The following MFSD6 variants were observed in gnomAD, a reference collection of about 807,000 sequenced individuals.
MFSD6 encodes the protein major facilitator superfamily domain-containing protein 6.
Under a neutral mutation model 56.3 loss-of-function variants are expected in MFSD6, and 26 were observed. That is an observed-to-expected ratio of 0.46 (90% CI 0.34 to 0.64). MFSD6 has a LOEUF of 0.64. MFSD6 is among the 30% of genes least tolerant of loss of function. MFSD6 has a pLI of 0.01. For synonymous variants in MFSD6, 331 were observed against 366.9 expected (o/e 0.90, Z 1.12); for missense variants, 750 against 986.2 (o/e 0.76, Z 3.21).
rs529148679 is a variant in MFSD6 at position 190,490,429 on chromosome 2, G to C, written c.1891+563G>C. Among the ~76,000 whole-genome samples the C allele has an allele frequency of 2.4e-4, 37 of 152,082 alleles. No individual in the cohort carries two copies. Among genetic ancestry groups the C allele is most frequent in the Non-Finnish European group, 4.1e-4 (28 of 68,016 alleles). On this transcript the variant is annotated intron_variant, in intron 6 of 7. Transcript: ENST00000392328. This position sits in a 1 kb window ranked among gnomAD's most constrained non-coding sequence, Gnocchi z 4.5. ...ATATAAAAAATTAGCCGGGCACGGTGGTGGGCGCCTGTAATCCCAGCTACT... is the reference window on the plus strand; with the variant it reads ...ATATAAAAAATTAGCCGGGCACGGTCGTGGGCGCCTGTAATCCCAGCTACT...
intron 4 of MFSD6, among the ~76,000 whole-genome samples, chr2:190,479,970 C>T (rs1041902692): frequency 6.6e-6 from 1 of 152,078 alleles, no homozygotes; most frequent in East Asian, 1.9e-4. Flanking sequence ...TGTTTTCAGC[C>T]TGGGCAACCT....
At chr2:190,475,195 G>C (rs957096193) in intron 4 of MFSD6, among the ~76,000 whole-genome samples, 3 of 152,158 alleles carry the variant, frequency 2.0e-5, no homozygotes, top group African/African-American at 7.2e-5. Flanking sequence ...ATTCAACATA[G>C]TGTTGGAAGT....
Position 190,438,551 on chromosome 2 carries a change from T to C in MFSD6, c.1532+990T>C, listed in dbSNP as rs1409333044. ...ACACCCTGTAAGTGCCTAGTGTTTC[T>C]TGTTGTGTACTATTTCTTCTCACCA... is the stretch of plus-strand genomic sequence containing the variant. On this transcript the variant is annotated intron_variant, in intron 3 of 7. Transcript: ENST00000392328. This position sits in a 1 kb window ranked among gnomAD's most constrained non-coding sequence, Gnocchi z 5.2. 1.3e-5 allele frequency among the ~76,000 whole-genome samples: 2 copies of C among 152,206 alleles called. No homozygotes were observed. Among genetic ancestry groups the C allele is most frequent in the Non-Finnish European group, 2.9e-5 (2 of 68,036 alleles).
Position 190,436,028 on chromosome 2 carries a change from C to T in MFSD6, c.-2C>T, listed in dbSNP as rs1317018288. The T allele has an allele frequency of 6.2e-7, 1 of 1,606,418 alleles. No individual in the cohort carries two copies. The highest frequency in any genetic ancestry group is 1.3e-5 in the African/African-American group (1 of 74,704). ...TAAACTTGCTGATGGTGGTGGTAAG[C>T]CATGGCAGATGATAAAGTTGCTATC... is the stretch of plus-strand genomic sequence containing the variant. On this transcript the variant is annotated 5_prime_UTR_variant, in exon 3 of 8. Transcript: ENST00000392328. The surrounding 1 kb of genome is among the most constrained non-coding windows in gnomAD (Gnocchi z 5.3).
rs546266861 is a variant in MFSD6 at position 190,498,835 on chromosome 2, T to C, written c.2172+1116T>C. ...AAAATTTTTGATGTGGCGCTTTTTTTCTGGTATGTTAGGATTAATAAATTT... is the reference window on the plus strand; with the variant it reads ...AAAATTTTTGATGTGGCGCTTTTTTCCTGGTATGTTAGGATTAATAAATTT... On this transcript the variant is annotated intron_variant, in intron 7 of 7. Coordinates refer to ENST00000392328, the MANE Select transcript of MFSD6 (RefSeq NM_017694.4). The surrounding 1 kb of genome is among the most constrained non-coding windows in gnomAD (Gnocchi z 5.9). Among the ~76,000 whole-genome samples, 2 of 152,288 alleles carry C rather than the reference T, an allele frequency of 1.3e-5. No homozygotes were observed. The highest frequency in any genetic ancestry group is 4.8e-5 in the African/African-American group (2 of 41,570).
At chr2:190,477,868 A>C (rs1200443907) in intron 4 of MFSD6, among the ~76,000 whole-genome samples, 1 of 152,162 alleles carries the variant, frequency 6.6e-6, no homozygotes, top group Non-Finnish European at 1.5e-5. Flanking sequence ...AAAATTCCCT[A>C]CAAAAATCAC....
rs1174874826 is a variant in MFSD6 at position 190,498,924 on chromosome 2, T to C, written c.2173-1091T>C. 1.3e-5 allele frequency among the ~76,000 whole-genome samples: 2 copies of C among 151,698 alleles called. No homozygotes were observed. Among genetic ancestry groups the C allele is most frequent in the African/African-American group, 2.4e-5 (1 of 41,252 alleles). Reference sequence around the variant, plus strand: ...AAGCACTTTGGGAGGCCGAGGTGGGTGGATCACGAGGTCAGGAGTTCAAGA... The same window carrying C: ...AAGCACTTTGGGAGGCCGAGGTGGGCGGATCACGAGGTCAGGAGTTCAAGA... On this transcript the variant is annotated intron_variant, in intron 7 of 7. Coordinates refer to ENST00000392328, the MANE Select transcript of MFSD6 (RefSeq NM_017694.4). The surrounding 1 kb of genome is among the most constrained non-coding windows in gnomAD (Gnocchi z 5.9).
rs1687416388 is a variant in MFSD6 at position 190,463,131 on chromosome 2, T to G, written c.1533-6627T>G. Among the ~76,000 whole-genome samples the G allele has an allele frequency of 6.6e-6, 1 of 152,100 alleles. No individual in the cohort carries two copies. The highest frequency in any genetic ancestry group is 1.5e-5 in the Non-Finnish European group (1 of 68,004). ...ATTCTGCTAGTGAGGGACACAGAAA[T>G]CCTGGCAAGATATCCACAGTAGCAT... On this transcript the variant is annotated intron_variant, in intron 3 of 7. Coordinates refer to ENST00000392328, the MANE Select transcript of MFSD6 (RefSeq NM_017694.4). This position sits in a 1 kb window ranked among gnomAD's most constrained non-coding sequence, Gnocchi z 4.4.
At chr2:190,429,892 A>G (rs1238290337) in intron 2 of MFSD6, among the ~76,000 whole-genome samples, 1 of 151,964 alleles carries the variant, frequency 6.6e-6, no homozygotes, top group African/African-American at 2.4e-5. Flanking sequence ...ACATGTGTAC[A>G]ATGTGCAGAT....
rs568155579 is a variant in MFSD6, at chr2:190,431,570, C to T, written c.-53-4407C>T. ...AAATACGAAAACCAGTCAGGTGTGGCGGCGCGCGCCTGCAATCGCAGGCAC... is the reference window on the plus strand; with the variant it reads ...AAATACGAAAACCAGTCAGGTGTGGTGGCGCGCGCCTGCAATCGCAGGCAC... On this transcript the variant is annotated intron_variant, in intron 2 of 7. Transcript: ENST00000392328. The surrounding 1 kb of genome is among the most constrained non-coding windows in gnomAD (Gnocchi z 4.4). 7.2e-5 allele frequency among the ~76,000 whole-genome samples: 11 copies of T among 152,298 alleles called. No individual in the cohort carries two copies. Among genetic ancestry groups the T allele is most frequent in the South Asian group, 2.1e-4 (1 of 4,832 alleles).
chr2:190,482,868 C>CTTTTTTTTTTTT lies in MFSD6; in HGVS notation c.1631-5765_1631-5754dup, dbSNP rs199927176. 5.0e-4 allele frequency among the ~76,000 whole-genome samples: 24 copies of CTTTTTTTTTTTT among 48,288 alleles called. 7 individuals carry two copies. The highest frequency in any genetic ancestry group is 7.0e-4 in the South Asian group (1 of 1,434). The allele number at this position is 48,288 out of a possible 152,430, so 31.7% of individuals were successfully genotyped here. A position where few individuals can be genotyped will look rare whatever the true frequency, so the allele number is the denominator to read the frequency against. On this transcript the variant is annotated intron_variant, in intron 4 of 7. Transcript: ENST00000392328. ...GGAGAAGAGTTATTAAGACTATCAT[C>CTTTTTTTTTTTT]TTTTTTTTTTTTTTTTTTTTTTTTT...
rs1451442048 is a variant in MFSD6 at position 190,413,024 on chromosome 2, A to G, written c.-175-2268A>G. ...CACCTAAACCTTGAGCCTATATGTT[A>G]ATATGTGTCTGCTATAGTTACTGGT... On this transcript the variant is annotated intron_variant, in intron 1 of 7. Transcript: ENST00000392328. This position sits in a 1 kb window ranked among gnomAD's most constrained non-coding sequence, Gnocchi z 4.1. 2.0e-5 allele frequency among the ~76,000 whole-genome samples: 3 copies of G among 152,206 alleles called. No homozygotes were observed. Among genetic ancestry groups the G allele is most frequent in the Non-Finnish European group, 4.4e-5 (3 of 68,040 alleles).
rs949936573 is a variant in MFSD6 at position 190,439,063 on chromosome 2, A to G, written c.1532+1502A>G. Reference sequence around the variant, plus strand: ...AAGACCATTCTGAAAGAGAGCCCACATAATATTAAGGACTCGGAATGCCCT... The same window carrying G: ...AAGACCATTCTGAAAGAGAGCCCACGTAATATTAAGGACTCGGAATGCCCT... On this transcript the variant is annotated intron_variant, in intron 3 of 7. Transcript: ENST00000392328. The surrounding 1 kb of genome is among the most constrained non-coding windows in gnomAD (Gnocchi z 5.8). Among the ~76,000 whole-genome samples the G allele has an allele frequency of 1.3e-5, 2 of 152,090 alleles. No individual in the cohort carries two copies. The highest frequency in any genetic ancestry group is 2.1e-4 in the South Asian group (1 of 4,826).
chr2:190,489,760 T>C lies in MFSD6; in HGVS notation c.1793-8T>C. 1.2e-6 allele frequency: 2 copies of C among 1,613,438 alleles called. No individual in the cohort carries two copies. The highest frequency in any genetic ancestry group is 1.7e-6 in the Non-Finnish European group (2 of 1,179,590). ...AATTACTCTATAGAGTGCTGTTTGTTTTTATAGGGGCTGCTGCAACCTTCC... is the reference window on the plus strand; with the variant it reads ...AATTACTCTATAGAGTGCTGTTTGTCTTTATAGGGGCTGCTGCAACCTTCC... On this transcript the variant is annotated splice_region_variant and splice_polypyrimidine_tract_variant and intron_variant, in intron 5 of 7. Transcript: ENST00000392328. The surrounding 1 kb of genome is among the most constrained non-coding windows in gnomAD (Gnocchi z 6.6).
In MFSD6 at chr2:190,462,377, A is replaced by G. The variant is rs141107161; in HGVS notation, c.1533-7381A>G. Among the ~76,000 whole-genome samples the G allele has an allele frequency of 2.6e-5, 4 of 152,338 alleles. No homozygotes were observed. In the East Asian group the frequency reaches 7.7e-4, roughly 29 times the overall value. On this transcript the variant is annotated intron_variant, in intron 3 of 7. Transcript: ENST00000392328. The surrounding 1 kb of genome is among the most constrained non-coding windows in gnomAD (Gnocchi z 5.7). ...CACAGTGAATGGTGGATCCCACACA[A>G]TAAAGAATTGCACCATCCAAAATGA...
rs1464271022 is a variant in MFSD6, at chr2:190,488,041, T to G, written c.1631-616T>G. 6.6e-6 allele frequency among the ~76,000 whole-genome samples: 1 copy of G among 152,178 alleles called. No individual in the cohort carries two copies. Among genetic ancestry groups the G allele is most frequent in the African/African-American group, 2.4e-5 (1 of 41,454 alleles). The stretch of plus-strand genomic sequence containing the variant: ...CCTCAGCCTCCCGAGTAGCTGGGAC[T>G]ATAGGCGTGCACCACCACGCCAGGC... On this transcript the variant is annotated intron_variant, in intron 4 of 7. Coordinates refer to ENST00000392328, the MANE Select transcript of MFSD6 (RefSeq NM_017694.4). The surrounding 1 kb of genome is among the most constrained non-coding windows in gnomAD (Gnocchi z 6.4).
In MFSD6 at chr2:190,410,258, A is replaced by G. The variant is rs1423711139; in HGVS notation, c.-176+1755A>G. ...AAACATTTAGTATCTCAATCTCTGTAAGATAAATCTTTCCCCTAGTTCTGT... is the reference window on the plus strand; with the variant it reads ...AAACATTTAGTATCTCAATCTCTGTGAGATAAATCTTTCCCCTAGTTCTGT... On this transcript the variant is annotated intron_variant, in intron 1 of 7. Coordinates refer to ENST00000392328, the MANE Select transcript of MFSD6 (RefSeq NM_017694.4). The surrounding 1 kb of genome is among the most constrained non-coding windows in gnomAD (Gnocchi z 4.4). Among the ~76,000 whole-genome samples the G allele has an allele frequency of 6.6e-6, 1 of 152,160 alleles. No homozygotes were observed. Among genetic ancestry groups the G allele is most frequent in the Non-Finnish European group, 1.5e-5 (1 of 68,026 alleles).
chr2:190,411,036 C>T (rs1690539054), intron 1 of MFSD6: 15 of 832,426 alleles, frequency 1.8e-5, no homozygotes, highest in Non-Finnish European at 2.2e-5. Context: ...GCCTGGGCAA[C>T]AGAGCGAGAC....
chr2:190,478,909 G>C (rs962635890), intron 4 of MFSD6, among the ~76,000 whole-genome samples: 6 of 152,024 alleles, frequency 3.9e-5, no homozygotes, highest in Non-Finnish European at 5.9e-5. Flanking sequence ...ACGAGAACTA[G>C]TACTGTCTAG....
Sources: gnomAD v4.1 joint callset for allele counts (sites outside exome capture counted in the v4.1 genomes callset) on GRCh38, gnomAD v4.1.1 for gene constraint, Gnocchi (gnomAD v3.1) non-coding constraint, MANE v1.5 for transcripts, NCBI Gene and HGNC (gene_info 2026-07-23, HGNC 2026-07-21) for gene names.